Variants in HS6ST3 observed in about 807,000 individuals in gnomAD.
HS6ST3 encodes heparan-sulfate 6-O-sulfotransferase 3.
In HS6ST3, 12 loss-of-function variants were observed where a neutral mutation model predicts 36.7. The ratio of observed to expected loss-of-function variants is 0.33; its 90% CI spans 0.21 to 0.53. The LOEUF is 0.53. Among genes scored for constraint, HS6ST3 ranks in the 20% least tolerant of loss-of-function variants. The probability of loss-of-function intolerance (pLI) is 0.95; values close to 1 mark genes in which losing one functional copy is unlikely to be tolerated. For missense variants in HS6ST3, 584 were observed against 640.9 expected (o/e 0.91, Z 0.96); for synonymous variants, 240 against 257.5 (o/e 0.93, Z 0.65).
intron 1 of HS6ST3, among the ~76,000 whole-genome samples, chr13:96,746,897 G>T (rs1208565746): frequency 1.3e-5 from 2 of 152,038 alleles, no homozygotes; most frequent in Non-Finnish European, 2.9e-5. Context: ...AAGCTGGAAG[G>T]TTCTTATGCC....
intron 1 of HS6ST3, among the ~76,000 whole-genome samples, chr13:96,254,099 C>T (rs1257438799): frequency 6.6e-6 from 1 of 151,996 alleles, no homozygotes; most frequent in Admixed American, 6.6e-5. Flanking sequence ...AACTTTTCCA[C>T]CATAGAGCAA....
intron 1 of HS6ST3, among the ~76,000 whole-genome samples, chr13:96,807,180 A>G (rs551681812): frequency 6.6e-6 from 1 of 152,310 alleles, no homozygotes; most frequent in South Asian, 2.1e-4. Flanking sequence ...ATGCCCAGAA[A>G]GATGCTGGTT....
At chr13:96,497,511 T>A (rs1450768954) in intron 1 of HS6ST3, among the ~76,000 whole-genome samples, 1 of 152,160 alleles carries the variant, frequency 6.6e-6, no homozygotes, top group East Asian at 1.9e-4. Flanking sequence ...CTCACCTTAG[T>A]CTAAGCAGCC....
chr13:96,346,542 T>A (rs1371462189), intron 1 of HS6ST3, among the ~76,000 whole-genome samples: 1 of 150,270 alleles, frequency 6.7e-6, no homozygotes, highest in Non-Finnish European at 1.5e-5. Flanking sequence ...GCCACTGCAC[T>A]GCAGCCTGGG....
At chr13:96,129,637 G>C (rs953883010) in intron 1 of HS6ST3, among the ~76,000 whole-genome samples, 9 of 152,172 alleles carry the variant, frequency 5.9e-5, no homozygotes, top group Non-Finnish European at 8.8e-5. Context: ...TGTTTTGTGT[G>C]ATGATTTGAA....
At chr13:96,492,934 G>A (rs2055953913) in intron 1 of HS6ST3, among the ~76,000 whole-genome samples, 1 of 152,142 alleles carries the variant, frequency 6.6e-6, no homozygotes, top group Admixed American at 6.5e-5. Flanking sequence ...ACAAAATCAT[G>A]CTCTCTGCTC....
At chr13:96,639,545 AAT>A (rs1166639330) in intron 1 of HS6ST3, among the ~76,000 whole-genome samples, 1 of 149,462 alleles carries the variant, frequency 6.7e-6, no homozygotes, top group East Asian at 2.0e-4. Flanking sequence ...ATTTAAAAAA[AAT>A]TTTTCAACTT....
chr13:96,524,689 G>A (rs2056106981), intron 1 of HS6ST3, among the ~76,000 whole-genome samples: 2 of 152,232 alleles, frequency 1.3e-5, no homozygotes, highest in African/African-American at 4.8e-5. Flanking sequence ...GCCGAGCCAG[G>A]CCGGTTGCAA....
intron 1 of HS6ST3, among the ~76,000 whole-genome samples, chr13:96,140,352 A>G (rs493576): frequency 0.82 from 125,133 of 152,142 alleles, 51,789 homozygotes; most frequent in East Asian, 0.91. Flanking sequence ...ACACTGTGTG[A>G]CACTAATTCA....
chr13:96,788,715 G>A (rs1877713480), intron 1 of HS6ST3, among the ~76,000 whole-genome samples: 1 of 151,750 alleles, frequency 6.6e-6, no homozygotes, highest in Non-Finnish European at 1.5e-5. Flanking sequence ...ATTGTTAGGT[G>A]CATACACATT....
chr13:96,248,972 C>A (rs1281137951), intron 1 of HS6ST3, among the ~76,000 whole-genome samples: 1 of 152,116 alleles, frequency 6.6e-6, no homozygotes, highest in African/African-American at 2.4e-5. Flanking sequence ...AGGTTTATAG[C>A]CTTTCATGGA....
chr13:96,132,175 G>A (rs1334191205), intron 1 of HS6ST3, among the ~76,000 whole-genome samples: 1 of 145,296 alleles, frequency 6.9e-6, no homozygotes, highest in Non-Finnish European at 1.5e-5. Context: ...CACACACAGA[G>A]CGCATTTTCT....
intron 1 of HS6ST3, among the ~76,000 whole-genome samples, chr13:96,321,400 G>A (rs144413254): frequency 5.0e-4 from 76 of 152,142 alleles, no homozygotes; most frequent in African/African-American, 1.8e-3. Flanking sequence ...CTTTGCAGAT[G>A]ATTTTTTTTC....
intron 1 of HS6ST3, among the ~76,000 whole-genome samples, chr13:96,788,317 A>G (rs1924597): frequency 0.16 from 23,967 of 151,850 alleles, 2,383 homozygotes; most frequent in African/African-American, 0.28. Flanking sequence ...TTCATAGATC[A>G]ACTTGGGGAG....
intron 1 of HS6ST3, among the ~76,000 whole-genome samples, chr13:96,658,268 C>CTTTGTTTTTTTTTTTTTTT (rs2056633096): frequency 1.3e-5 from 1 of 76,190 alleles, no homozygotes; most frequent in East Asian, 5.1e-4. Context: ...TCTTCTTCTT[C>CTTTGTTTTTTTTTTTTTTT]TTTTTTTTTT....
chr13:96,817,949 G>T (rs1401341754), intron 1 of HS6ST3, among the ~76,000 whole-genome samples: 1 of 152,164 alleles, frequency 6.6e-6, no homozygotes, highest in Non-Finnish European at 1.5e-5. Context: ...ACCTCTTGTA[G>T]CCCTAAGCTA....
At chr13:96,314,801 A>G (rs1367853547) in intron 1 of HS6ST3, among the ~76,000 whole-genome samples, 1 of 152,120 alleles carries the variant, frequency 6.6e-6, no homozygotes, top group Middle Eastern at 3.2e-3. Context: ...GCATCTGGGA[A>G]TCCTCTATTT....
chr13:96,369,696 G>T (rs1377198015), intron 1 of HS6ST3, among the ~76,000 whole-genome samples: 2 of 152,094 alleles, frequency 1.3e-5, no homozygotes, highest in Admixed American at 6.5e-5. Context: ...GATTTCTTGG[G>T]CTTTGCTGCA....
At chr13:96,132,911 T>A (rs964462133) in intron 1 of HS6ST3, among the ~76,000 whole-genome samples, 2 of 152,220 alleles carry the variant, frequency 1.3e-5, no homozygotes, top group African/African-American at 4.8e-5. Flanking sequence ...GTTGGCTACT[T>A]GTATGTTTTT....
Sources: allele counts gnomAD v4.1 joint callset (sites outside exome capture counted in the v4.1 genomes callset), GRCh38; gene constraint gnomAD v4.1.1; transcripts MANE v1.5; gene names NCBI Gene and HGNC (gene_info 2026-07-23, HGNC 2026-07-21).